Variants in LARP4B observed in about 807,000 individuals in gnomAD.
LARP4B encodes the protein La ribonucleoprotein 4B.
Under a neutral mutation model 89.8 loss-of-function variants are expected in LARP4B, and 12 were observed. The observed-to-expected ratio is 0.13, with a 90% CI of 0.09 to 0.22. LARP4B has a LOEUF of 0.22. Ranked by LOEUF, LARP4B falls within the 10% of genes least tolerant of loss-of-function variation. LARP4B has a pLI of 1.00. For synonymous variants in LARP4B, 367 were observed against 363.3 expected (o/e 1.01, Z -0.12); for missense variants, 757 against 947.7 (o/e 0.80, Z 2.64).
In LARP4B at chr10:810,927, T is replaced by C. The variant is rs539775453; in HGVS notation, c.*1999A>G. ...AACTGCTTTAAAGGAAATGGTCAAA[T>C]AGGCATGTTTTCCTCTGGCAGGGTC... On this transcript the variant is annotated 3_prime_UTR_variant, in exon 18 of 18. Transcript: ENST00000316157. 1.3e-5 allele frequency: 2 copies of C among 152,290 alleles called. No homozygotes were observed. Among genetic ancestry groups the C allele is most frequent in the South Asian group, 2.1e-4 (1 of 4,830 alleles). 9.4% of individuals were successfully genotyped at this position (152,290 alleles called of 1,614,324 possible). A position where few individuals can be genotyped will look rare whatever the true frequency, so the allele number is the denominator to read the frequency against.
intron 1 of LARP4B, among the ~76,000 whole-genome samples, chr10:917,337 C>G (rs1318797776): frequency 6.6e-6 from 1 of 152,120 alleles, no homozygotes; most frequent in Admixed American, 6.5e-5. Context: ...CTTATTTCTC[C>G]AAAATGTATA....
At chr10:902,536 G>A (rs1296904156) in intron 1 of LARP4B, among the ~76,000 whole-genome samples, 1 of 152,028 alleles carries the variant, frequency 6.6e-6, no homozygotes, top group Non-Finnish European at 1.5e-5. Flanking sequence ...GTCAAATACT[G>A]GACTACCAAG....
the LARP4B span, chr10:972,434 C>A: frequency 2.3e-6 from 1 of 439,410 alleles, no homozygotes; most frequent in Non-Finnish European, 4.5e-6. Context: ...AAAAAAACTT[C>A]TATTCCTTAT....
chr10:931,214 G>A (rs895554498), intron 1 of LARP4B, among the ~76,000 whole-genome samples: 1 of 148,488 alleles, frequency 6.7e-6, no homozygotes, highest in Non-Finnish European at 1.5e-5. Context: ...CCTGACCCCG[G>A]TCCTCCTCAG....
chr10:873,390 G>A (rs1330385816), intron 3 of LARP4B: 1 of 985,214 alleles, frequency 1.0e-6, no homozygotes, highest in African/African-American at 1.7e-5. Context: ...GCTCAGAACA[G>A]CAGCAAGAAT....
In LARP4B at chr10:812,843, G is replaced by C; in HGVS notation, c.*83C>G. Reference sequence around the variant, plus strand: ...CTCAGACACTGCAAGCTCCTAACCAGCGGCTCGCCCTCGCACTGAGTGGGA... The same window carrying C: ...CTCAGACACTGCAAGCTCCTAACCACCGGCTCGCCCTCGCACTGAGTGGGA... On this transcript the variant is annotated 3_prime_UTR_variant, in exon 18 of 18. Transcript: ENST00000316157. 7.7e-7 allele frequency: 1 copy of C among 1,291,576 alleles called. No homozygotes were observed. Among genetic ancestry groups the C allele is most frequent in the Non-Finnish European group, 1.0e-6 (1 of 990,042 alleles). The allele number at this position is 1,291,576 out of a possible 1,614,324, so 80.0% of individuals were successfully genotyped here.
intron 7 of LARP4B, among the ~76,000 whole-genome samples, chr10:837,557 T>C (rs1833286688): frequency 6.6e-6 from 1 of 152,224 alleles, no homozygotes; most frequent in South Asian, 2.1e-4. Context: ...AGACTCACTA[T>C]AACGTTACAG....
At chr10:847,320 C>T (rs1275333427) in intron 5 of LARP4B, among the ~76,000 whole-genome samples, 3 of 152,212 alleles carry the variant, frequency 2.0e-5, no homozygotes, top group South Asian at 2.1e-4. Flanking sequence ...GTGAGACGGG[C>T]TCTCAGGGAG....
At chr10:854,382 C>T (rs565105948) in intron 5 of LARP4B, among the ~76,000 whole-genome samples, 1 of 152,262 alleles carries the variant, frequency 6.6e-6, no homozygotes, top group East Asian at 1.9e-4. Context: ...ATGATCTATA[C>T]AGCTAGAGCC....
chr10:988,248 C>A, the LARP4B span: 4 of 490,472 alleles, frequency 8.2e-6, no homozygotes, highest in Non-Finnish European at 1.1e-5. Flanking sequence ...AAAACCCGGG[C>A]GTCCTCTCCT....
chr10:942,944 T>A, the LARP4B span, among the ~76,000 whole-genome samples: 2 of 148,934 alleles, frequency 1.3e-5, no homozygotes, highest in Admixed American at 1.3e-4. Flanking sequence ...CAAGCTGACT[T>A]CTTTTTTTTT....
At chr10:813,746 G>A (rs913897053) in intron 17 of LARP4B, among the ~76,000 whole-genome samples, 2 of 152,000 alleles carry the variant, frequency 1.3e-5, no homozygotes, top group African/African-American at 4.8e-5. Context: ...GGGTTTTCAG[G>A]TAAGTGGAAG....
At chr10:962,347 C>T in the LARP4B span, among the ~76,000 whole-genome samples, 1 of 151,798 alleles carries the variant, frequency 6.6e-6, no homozygotes, top group African/African-American at 2.4e-5. Context: ...GGGTTCGGGC[C>T]CAACAATATG....
chr10:932,110 C>T (rs1830645983), upstream of LARP4B, among the ~76,000 whole-genome samples: 1 of 151,886 alleles, frequency 6.6e-6, no homozygotes, highest in South Asian at 2.1e-4. Context: ...AAGACCCCTG[C>T]CCGCCGCCCA....
chr10:901,566 CTTT>C (rs1564438083), intron 1 of LARP4B, among the ~76,000 whole-genome samples: 1 of 152,166 alleles, frequency 6.6e-6, no homozygotes, highest in African/African-American at 2.4e-5. Context: ...TTATTTTAGT[CTTT>C]TGTTTTTTTC....
downstream of LARP4B, chr10:809,038 G>A (rs906815128): frequency 1.3e-5 from 2 of 152,218 alleles, no homozygotes; most frequent in African/African-American, 2.4e-5. Flanking sequence ...AAGACGACAT[G>A]AAAAGGCAAT....
rs1363317796 is a variant in LARP4B, at chr10:822,469, C to A, written c.1485-1624G>T. The stretch of plus-strand genomic sequence containing the variant: ...GACACAGACCTGCCTGCCATGGGGT[C>A]CTATCCCAGTCACCATCAGTGGGCC... On this transcript the variant is annotated intron_variant, in intron 13 of 17. Transcript: ENST00000316157. The surrounding 1 kb of genome is among the most constrained non-coding windows in gnomAD (Gnocchi z 4.6). Among the ~76,000 whole-genome samples the A allele has an allele frequency of 4.6e-5, 7 of 152,204 alleles. No individual in the cohort carries two copies. The highest frequency in any genetic ancestry group is 1.7e-4 in the African/African-American group (7 of 41,448).
In LARP4B at chr10:841,209, G is replaced by A. The variant is rs114937236; in HGVS notation, c.646+1723C>T. The stretch of plus-strand genomic sequence containing the variant: ...TTAATTTAAAAAAAAAGTAAGATGA[G>A]AACTTTGCTCCTGCGGACCTATTTA... On this transcript the variant is annotated intron_variant, in intron 7 of 17. Transcript: ENST00000316157. Among the ~76,000 whole-genome samples the A allele has an allele frequency of 8.3e-3, 1,263 of 152,212 alleles. 18 individuals carry two copies. Among genetic ancestry groups the A allele is most frequent in the African/African-American group, 0.029 (1,201 of 41,540 alleles).
intron 1 of LARP4B, among the ~76,000 whole-genome samples, chr10:929,639 A>G (rs1050736168): frequency 6.6e-6 from 1 of 152,072 alleles, no homozygotes; most frequent in African/African-American, 2.4e-5. Flanking sequence ...AAATAGCAAA[A>G]CCAGACAACA....
Sources: allele counts gnomAD v4.1 joint callset (sites outside exome capture counted in the v4.1 genomes callset), GRCh38; gene constraint gnomAD v4.1.1; non-coding constraint Gnocchi (gnomAD v3.1); transcripts MANE v1.5; gene names NCBI Gene and HGNC (gene_info 2026-07-23, HGNC 2026-07-21).